The following CDH4 variants were observed in gnomAD, a reference collection of about 807,000 sequenced individuals.
CDH4 encodes cadherin-4.
In CDH4, 33 loss-of-function variants were observed where a neutral mutation model predicts 86.0. That is an observed-to-expected ratio of 0.38 (90% CI 0.29 to 0.51). The LOEUF (loss-of-function observed/expected upper bound fraction) is 0.51, where lower values mean the gene tolerates loss of function less well. Ranked by LOEUF, CDH4 falls within the 20% of genes least tolerant of loss-of-function variation. CDH4 has a pLI of 0.86. For missense variants in CDH4, 1,114 were observed against 1,307.4 expected (o/e 0.85, Z 2.28); for synonymous variants, 555 against 549.4 (o/e 1.01, Z -0.14).
chr20:61,764,058 C>G (rs73135406), intron 3 of CDH4, among the ~76,000 whole-genome samples: 3 of 152,162 alleles, frequency 2.0e-5, no homozygotes, highest in Admixed American at 2.0e-4. Context: ...TCCCTGGAGA[C>G]CTCACCTTGC....
intron 2 of CDH4, among the ~76,000 whole-genome samples, chr20:61,611,438 G>A (rs1456204624): frequency 1.3e-5 from 2 of 152,048 alleles, no homozygotes; most frequent in Admixed American, 1.3e-4. Flanking sequence ...ATCTGCCATG[G>A]GATGAGGTTG....
chr20:61,282,355 T>C (rs1039984317), intron 2 of CDH4, among the ~76,000 whole-genome samples: 26 of 152,116 alleles, frequency 1.7e-4, no homozygotes, highest in African/African-American at 6.0e-4. Flanking sequence ...TCAGACTCAG[T>C]CTCAAAAAAG....
intron 2 of CDH4, among the ~76,000 whole-genome samples, chr20:61,583,887 G>A (rs1423733407): frequency 2.6e-5 from 4 of 152,310 alleles, no homozygotes; most frequent in South Asian, 2.1e-4. Flanking sequence ...GGCAGGACAC[G>A]GTGGCTCACA....
intron 2 of CDH4, among the ~76,000 whole-genome samples, chr20:61,565,402 T>C (rs2086288703): frequency 1.1e-5 from 1 of 89,700 alleles, no homozygotes; most frequent in South Asian, 4.1e-4. Flanking sequence ...GTGATGGTGG[T>C]GGCGGTGCTC....
intron 2 of CDH4, among the ~76,000 whole-genome samples, chr20:61,381,734 C>T (rs2084902294): frequency 6.6e-6 from 1 of 152,076 alleles, no homozygotes; most frequent in African/African-American, 2.4e-5. Context: ...TAATCTACTA[C>T]CAGAGAAACA....
At chr20:61,730,153 C>T (rs184488926) in intron 2 of CDH4, among the ~76,000 whole-genome samples, 17 of 152,054 alleles carry the variant, frequency 1.1e-4, no homozygotes, top group South Asian at 4.2e-4. Flanking sequence ...AGTACCGACG[C>T]GTTATTAGGA....
intron 2 of CDH4, among the ~76,000 whole-genome samples, chr20:61,348,737 G>A (rs1362187158): frequency 6.6e-6 from 1 of 152,170 alleles, no homozygotes; most frequent in Non-Finnish European, 1.5e-5. Flanking sequence ...CAGGACTTCA[G>A]GAAGTATAAA....
At chr20:61,381,521 C>A (rs1388144532) in intron 2 of CDH4, among the ~76,000 whole-genome samples, 1 of 152,056 alleles carries the variant, frequency 6.6e-6, no homozygotes, top group African/African-American at 2.4e-5. Flanking sequence ...AACATGTGAC[C>A]CTTTCCCCAT....
chr20:61,590,809 T>C (rs916468956), intron 2 of CDH4, among the ~76,000 whole-genome samples: 1 of 150,802 alleles, frequency 6.6e-6, no homozygotes, highest in Non-Finnish European at 1.5e-5. Flanking sequence ...ATACCTGACC[T>C]TTTAAAGTGG....
At chr20:61,421,988 C>A (rs1307141790) in intron 2 of CDH4, among the ~76,000 whole-genome samples, 1 of 152,154 alleles carries the variant, frequency 6.6e-6, no homozygotes, top group African/African-American at 2.4e-5. Context: ...TCACAGGCCG[C>A]GGCTATCACC....
At chr20:61,884,348 G>C (rs148646714) in intron 7 of CDH4, among the ~76,000 whole-genome samples, 1 of 152,224 alleles carries the variant, frequency 6.6e-6, no homozygotes, top group Non-Finnish European at 1.5e-5. Context: ...GCAGCAACCC[G>C]GACAGCTAAG....
At chr20:61,665,971 C>T (rs1320270505) in intron 2 of CDH4, among the ~76,000 whole-genome samples, 3 of 152,192 alleles carry the variant, frequency 2.0e-5, no homozygotes, top group African/African-American at 4.8e-5. Flanking sequence ...TCCTGCAGTT[C>T]TGGGCGGGGT....
chr20:61,618,158 G>A (rs991512726), intron 2 of CDH4, among the ~76,000 whole-genome samples: 4 of 152,114 alleles, frequency 2.6e-5, no homozygotes, highest in Non-Finnish European at 2.9e-5. Context: ...ATACAGGGCC[G>A]GTGCTGGCCT....
intron 4 of CDH4, among the ~76,000 whole-genome samples, chr20:61,840,638 G>T (rs926653782): frequency 1.3e-5 from 2 of 152,122 alleles, no homozygotes; most frequent in African/African-American, 4.8e-5. Flanking sequence ...GGCGATCGGC[G>T]CACTGGAGGC....
chr20:61,393,283 A>G lies in CDH4; in HGVS notation c.169+138346A>G, dbSNP rs1873239454. Among the ~76,000 whole-genome samples the G allele has an allele frequency of 6.6e-6, 1 of 151,772 alleles. No homozygotes were observed. The highest frequency in any genetic ancestry group is 1.5e-5 in the Non-Finnish European group (1 of 67,958). On this transcript the variant is annotated intron_variant, in intron 2 of 15. Coordinates refer to ENST00000614565, the MANE Select transcript of CDH4 (RefSeq NM_001794.5). This position sits in a 1 kb window ranked among gnomAD's most constrained non-coding sequence, Gnocchi z 4.3. Reference sequence around the variant, plus strand: ...GGCCATCTCACGGGCGAGCCCACACACCTGGAGAGAAACAGAAGGCCCAGC... The same window carrying G: ...GGCCATCTCACGGGCGAGCCCACACGCCTGGAGAGAAACAGAAGGCCCAGC...
intron 11 of CDH4, 79 bp downstream of exon 11, chr20:61,924,555 C>G: frequency 6.7e-7 from 1 of 1,495,000 alleles, no homozygotes; most frequent in South Asian, 1.2e-5. Context: ...AGGGTGCTGG[C>G]CAGGGAGACC....
At chr20:61,406,277 CCATCTGCTCTGCCCGGACCAG>C (rs1477359762) in intron 2 of CDH4, among the ~76,000 whole-genome samples, 49 of 151,498 alleles carry the variant, frequency 3.2e-4, no homozygotes, top group South Asian at 1.3e-3. Flanking sequence ...ACCCGGACCA[CCATCTGCTCTGCCCGGACCAG>C]CATCTGCTCT....
chr20:61,916,423 C>T (rs980219087), intron 9 of CDH4, among the ~76,000 whole-genome samples: 1 of 152,250 alleles, frequency 6.6e-6, no homozygotes, highest in African/African-American at 2.4e-5. Flanking sequence ...GCTTATGACT[C>T]ACACTGAAAT....
At chr20:61,522,514 G>A (rs181061046) in intron 2 of CDH4, among the ~76,000 whole-genome samples, 4 of 152,384 alleles carry the variant, frequency 2.6e-5, no homozygotes, top group African/African-American at 9.6e-5. Context: ...GGAATGGAAT[G>A]GTTATGGTTA....
Sources: allele counts gnomAD v4.1 joint callset (sites outside exome capture counted in the v4.1 genomes callset), GRCh38; gene constraint gnomAD v4.1.1; non-coding constraint Gnocchi (gnomAD v3.1); transcripts MANE v1.5; gene names NCBI Gene and HGNC (gene_info 2026-07-23, HGNC 2026-07-21).